Variants in MLLT3 observed in about 807,000 individuals in gnomAD.
The protein encoded by MLLT3 is MLLT3 super elongation complex subunit, also known as protein AF-9.
A neutral mutation model predicts 53.2 loss-of-function variants in MLLT3; 4 were observed. The ratio of observed to expected loss-of-function variants is 0.08; its 90% CI spans 0.04 to 0.17. MLLT3 has a LOEUF of 0.17. MLLT3 is among the 10% of genes least tolerant of loss of function. The pLI is 1.00. For missense variants in MLLT3, 569 were observed against 684.0 expected (o/e 0.83, Z 1.87); for synonymous variants, 283 against 230.6 (o/e 1.23, Z -2.06).
chr9:20,455,995 G>C (rs1202223265), intron 3 of MLLT3, among the ~76,000 whole-genome samples: 1 of 147,106 alleles, frequency 6.8e-6, no homozygotes, highest in Non-Finnish European at 1.5e-5. Context: ...CTGGAATGCA[G>C]TAGTGCGATC....
Position 20,407,673 on chromosome 9 carries a change from G to T in MLLT3, c.1125+6048C>A, listed in dbSNP as rs368411122. ...GGTAGGTACACTACCTATCAAGTGG[G>T]TTCAAATCCTAGCTCCATCACTTCT... On this transcript the variant is annotated intron_variant, in intron 5 of 10. Transcript: ENST00000380338. Among the ~76,000 whole-genome samples the T allele has an allele frequency of 3.7e-4, 57 of 152,284 alleles. 1 individual carries two copies. The East Asian group carries it at 8.7e-3, about 23-fold the overall frequency.
chr9:20,372,306 T>C (rs1011692524), intron 5 of MLLT3, among the ~76,000 whole-genome samples: 3 of 152,216 alleles, frequency 2.0e-5, no homozygotes, highest in African/African-American at 7.2e-5. Context: ...TTCTAAAAGA[T>C]CTACTGCACT....
At chr9:20,407,616 A>G (rs1343669697) in intron 5 of MLLT3, among the ~76,000 whole-genome samples, 2 of 152,222 alleles carry the variant, frequency 1.3e-5, no homozygotes, top group Non-Finnish European at 2.9e-5. Flanking sequence ...CCAAGGAAGA[A>G]TAAGATTTGT....
chr9:20,481,590 T>C (rs1824663516), intron 2 of MLLT3, among the ~76,000 whole-genome samples: 1 of 152,144 alleles, frequency 6.6e-6, no homozygotes, highest in Non-Finnish European at 1.5e-5. Context: ...AGGAACCTAC[T>C]GGGAGTTAGG....
chr9:20,427,587 C>A (rs994388979), intron 4 of MLLT3, among the ~76,000 whole-genome samples: 3 of 151,632 alleles, frequency 2.0e-5, no homozygotes, highest in African/African-American at 7.3e-5. Context: ...TACAGATAAA[C>A]CAAGTATAGT....
chr9:20,565,841 C>G (rs1322178734), intron 2 of MLLT3, among the ~76,000 whole-genome samples: 2 of 148,080 alleles, frequency 1.4e-5, no homozygotes, highest in African/African-American at 2.5e-5. Context: ...TGGGCACATT[C>G]TAGTCCCTCT....
rs532420210 is a variant in MLLT3, at chr9:20,511,159, G to C, written c.194-54373C>G. ...ACATGTCTATTAGAGCCTAATACTA[G>C]AGTGGTGGTGTATGTGTGTGTGCAT... is the stretch of plus-strand genomic sequence containing the variant. On this transcript the variant is annotated intron_variant, in intron 2 of 10. Transcript: ENST00000380338. Among the ~76,000 whole-genome samples the C allele has an allele frequency of 2.6e-5, 4 of 152,110 alleles. No individual in the cohort carries two copies. In the South Asian group the frequency reaches 6.2e-4, roughly 24 times the overall value.
At chr9:20,585,798 T>A (rs955785705) in intron 2 of MLLT3, among the ~76,000 whole-genome samples, 1 of 152,298 alleles carries the variant, frequency 6.6e-6, no homozygotes, top group African/African-American at 2.4e-5. Context: ...GGACTGCTTA[T>A]TAGAAATGCA....
intron 2 of MLLT3, among the ~76,000 whole-genome samples, chr9:20,590,125 C>T (rs1263310542): frequency 6.6e-6 from 1 of 152,156 alleles, no homozygotes; most frequent in Non-Finnish European, 1.5e-5. Context: ...TCTTTTTCTA[C>T]CTTTCCTTTC....
intron 4 of MLLT3, among the ~76,000 whole-genome samples, chr9:20,431,558 C>G (rs1429761177): frequency 6.6e-6 from 1 of 152,026 alleles, no homozygotes; most frequent in African/African-American, 2.4e-5. Flanking sequence ...CTCATTTGTC[C>G]ATGCATATTT....
intron 2 of MLLT3, among the ~76,000 whole-genome samples, chr9:20,538,979 T>TA (rs35797258): frequency 2.2e-4 from 33 of 152,212 alleles, no homozygotes; most frequent in Admixed American, 1.8e-3. Context: ...TTTATTGCTT[T>TA]AAAAAAAATG....
At chr9:20,397,957 T>TA (rs772356646) in intron 5 of MLLT3, among the ~76,000 whole-genome samples, 9 of 152,132 alleles carry the variant, frequency 5.9e-5, no homozygotes, top group Non-Finnish European at 1.2e-4. Flanking sequence ...TTAGGGGAAC[T>TA]AACTTCATCT....
At chr9:20,407,733 G>T (rs752207370) in intron 5 of MLLT3, among the ~76,000 whole-genome samples, 4 of 152,048 alleles carry the variant, frequency 2.6e-5, no homozygotes, top group Admixed American at 6.5e-5. Flanking sequence ...TCTTCATCTT[G>T]GAGCCTCAGC....
Position 20,621,722 on chromosome 9 carries a change from C to T in MLLT3, c.12+523G>A. The T allele has an allele frequency of 6.8e-7, 1 of 1,476,494 alleles. No homozygotes were observed. Among genetic ancestry groups the T allele is most frequent in the East Asian group, 2.9e-5 (1 of 34,838 alleles). The allele number at this position is 1,476,494 out of a possible 1,614,324, so 91.5% of individuals were successfully genotyped here. A position where few individuals can be genotyped will look rare whatever the true frequency, so the allele number is the denominator to read the frequency against. On this transcript the variant is annotated intron_variant, in intron 1 of 10. Coordinates refer to ENST00000380338, the MANE Select transcript of MLLT3 (RefSeq NM_004529.4). This position sits in a 1 kb window ranked among gnomAD's most constrained non-coding sequence, Gnocchi z 7.0. ...GGCAAAGTTGCGTGCGGCCCCGCCG[C>T]TGTCAGCCCCGCACACTTCGGCTCA...
chr9:20,580,777 A>G (rs536178948), intron 2 of MLLT3, among the ~76,000 whole-genome samples: 1 of 152,340 alleles, frequency 6.6e-6, no homozygotes, highest in East Asian at 1.9e-4. Context: ...TAAAATATTT[A>G]CTGTATTAGA....
chr9:20,469,540 A>G (rs934665603), intron 2 of MLLT3, among the ~76,000 whole-genome samples: 6 of 152,106 alleles, frequency 3.9e-5, no homozygotes, highest in Non-Finnish European at 8.8e-5. Context: ...GAATAGGTTT[A>G]TGCCCTATTC....
chr9:20,458,438 T>C (rs1824025337), intron 2 of MLLT3, among the ~76,000 whole-genome samples: 1 of 152,178 alleles, frequency 6.6e-6, no homozygotes, highest in Admixed American at 6.5e-5. Flanking sequence ...ATCTCTGGGT[T>C]CCTCTTCTAG....
intron 2 of MLLT3, among the ~76,000 whole-genome samples, chr9:20,539,296 A>ATT (rs1400244917): frequency 6.6e-6 from 1 of 152,246 alleles, no homozygotes; most frequent in African/African-American, 2.4e-5. Context: ...GCAATATTCT[A>ATT]AAACATTTGT....
At chr9:20,444,803 T>C (rs1315822769) in intron 4 of MLLT3, among the ~76,000 whole-genome samples, 3 of 152,014 alleles carry the variant, frequency 2.0e-5, no homozygotes, top group Non-Finnish European at 4.4e-5. Flanking sequence ...GCCCAGGAGG[T>C]TGAGGCTGCA....
Sources: gnomAD v4.1 joint callset for allele counts (sites outside exome capture counted in the v4.1 genomes callset) on GRCh38, gnomAD v4.1.1 for gene constraint, Gnocchi (gnomAD v3.1) non-coding constraint, MANE v1.5 for transcripts, NCBI Gene and HGNC (gene_info 2026-07-23, HGNC 2026-07-21) for gene names.